TMEM229A: variants seen among roughly 807,000 people sequenced by gnomAD.
TMEM229A encodes the protein transmembrane protein 229A.
A neutral mutation model predicts 30.0 loss-of-function variants in TMEM229A; 23 were observed. The observed-to-expected ratio is 0.77, with a 90% CI of 0.55 to 1.09. The LOEUF is 1.09. TMEM229A is among the 50% of genes least tolerant of loss of function. TMEM229A has a pLI of 0.00. For synonymous variants in TMEM229A, 264 were observed against 241.5 expected (o/e 1.09, Z -0.86); for missense variants, 534 against 525.9 (o/e 1.02, Z -0.15).
rs1563050021 is a variant in TMEM229A, at chr7:124,032,405, T to C, written c.599A>G (p.Gln200Arg). ...AGGGACGGGGAGCGCGCCCCTCCGC[T>C]GCTGCTGCTGCTGCTGCTGCTGCTG... ...QQQQQQQQQQ[Q>R]RRGALPVPPG... Residue 200 changes from glutamine (Q) to arginine (R), a missense_variant, in exon 1 of 1, where the codon CAG becomes CGG. By Grantham distance (43) the Gln-to-Arg change is conservative (BLOSUM62 1). Coordinates refer to ENST00000455783, the MANE Select transcript of TMEM229A (RefSeq NM_001136002.2). The surrounding 1 kb of genome is among the most constrained non-coding windows in gnomAD (Gnocchi z 6.6). The C allele has an allele frequency of 2.3e-6, 2 of 869,448 alleles. No individual in the cohort carries two copies. Among genetic ancestry groups the C allele is most frequent in the Non-Finnish European group, 3.0e-6 (2 of 667,408 alleles). 53.9% of individuals were successfully genotyped at this position (869,448 alleles called of 1,614,324 possible). A position where few individuals can be genotyped will look rare whatever the true frequency, so the allele number is the denominator to read the frequency against.
In TMEM229A at chr7:124,032,324, G is replaced by A; in HGVS notation, c.680C>T (p.Pro227Leu). Residue 227 changes from proline (P) to leucine (L), a missense_variant, in exon 1 of 1, where the codon CCC becomes CTC. Pro to Leu is a moderately conservative substitution (Grantham distance 98). Transcript: ENST00000455783. This position sits in a 1 kb window ranked among gnomAD's most constrained non-coding sequence, Gnocchi z 6.6. Reference sequence around the variant, plus strand: ...GCTGGGGGCTCCCCCGGCGCCCCTGGGGCCACGGGGTCGTCGCCGCCGGGC... The same window carrying A: ...GCTGGGGGCTCCCCCGGCGCCCCTGAGGCCACGGGGTCGTCGCCGCCGGGC... ...AGARRRRPRGPRGAGGAPSQG... is the reference protein window; with the variant it reads ...AGARRRRPRGLRGAGGAPSQG... The A allele has an allele frequency of 6.5e-7, 1 of 1,546,058 alleles. No individual in the cohort carries two copies. Among genetic ancestry groups the A allele is most frequent in the Non-Finnish European group, 8.7e-7 (1 of 1,145,174 alleles).
rs1793150560 is a variant in TMEM229A, at chr7:124,032,534, A to G, written c.470T>C (p.Leu157Pro). 6.5e-7 allele frequency: 1 copy of G among 1,549,510 alleles called. No individual in the cohort carries two copies. The highest frequency in any genetic ancestry group is 1.4e-5 in the African/African-American group (1 of 72,986). ...CAGCACGTACTGCAGCGCCAGGTCC[A>G]GCGCCCCTGGCGCCACCGCGACCCC... ...GAGVAVAPGALDLALQYVLAL... is the reference protein window; with the variant it reads ...GAGVAVAPGAPDLALQYVLAL... Residue 157 changes from leucine (L) to proline (P), a missense_variant, in exon 1 of 1, where the codon CTG (leucine) becomes CCG (proline). Leu to Pro is a moderately conservative substitution (Grantham distance 98). Coordinates refer to ENST00000455783, the MANE Select transcript of TMEM229A (RefSeq NM_001136002.2). This position sits in a 1 kb window ranked among gnomAD's most constrained non-coding sequence, Gnocchi z 6.6.
rs905672349 is a variant in TMEM229A at position 124,032,891 on chromosome 7, G to C, written c.113C>G (p.Pro38Arg). The C allele has an allele frequency of 1.2e-4, 177 of 1,471,702 alleles. 1 individual carries two copies. Among genetic ancestry groups the C allele is most frequent in the East Asian group, 1.5e-4 (5 of 34,212 alleles). The allele number at this position is 1,471,702 out of a possible 1,614,324, so 91.2% of individuals were successfully genotyped here. A position where few individuals can be genotyped will look rare whatever the true frequency, so the allele number is the denominator to read the frequency against. Residue 38 changes from proline (P) to arginine (R), a missense_variant, in exon 1 of 1, where the codon CCG becomes CGG. Coordinates refer to ENST00000455783, the MANE Select transcript of TMEM229A (RefSeq NM_001136002.2). This position sits in a 1 kb window ranked among gnomAD's most constrained non-coding sequence, Gnocchi z 6.6. ...GSEAAAGCPE[P>R]LSTAEAPAES... ...AGCCGGCGCTTCAGCAGTGGACAGC[G>C]GCTCCGGGCAGCCGGCTGCCGCCTC... is the stretch of plus-strand genomic sequence containing the variant.
Position 124,031,788 on chromosome 7 carries a change from A to G in TMEM229A, c.*73T>C. ...GACTAAAAAACCCACTTCATTTTAAATGTGTAAAAATAAATCGCATCCATT... is the reference window on the plus strand; with the variant it reads ...GACTAAAAAACCCACTTCATTTTAAGTGTGTAAAAATAAATCGCATCCATT... On this transcript the variant is annotated 3_prime_UTR_variant, in exon 1 of 1. Transcript: ENST00000455783. The surrounding 1 kb of genome is among the most constrained non-coding windows in gnomAD (Gnocchi z 4.1). The G allele has an allele frequency of 2.9e-6, 4 of 1,400,494 alleles. No homozygotes were observed. Among genetic ancestry groups the G allele is most frequent in the Non-Finnish European group, 3.8e-6 (4 of 1,060,760 alleles). The allele number at this position is 1,400,494 out of a possible 1,614,324, so 86.8% of individuals were successfully genotyped here. A position where few individuals can be genotyped will look rare whatever the true frequency, so the allele number is the denominator to read the frequency against.
chr7:124,032,483 A>G lies in TMEM229A; in HGVS notation c.521T>C (p.Leu174Pro), dbSNP rs1793149994. 6.5e-7 allele frequency: 1 copy of G among 1,549,984 alleles called. No homozygotes were observed. The highest frequency in any genetic ancestry group is 8.7e-7 in the Non-Finnish European group (1 of 1,146,616). Residue 174 changes from leucine to proline, a missense_variant, in exon 1 of 1, where the codon CTG becomes CCG. Coordinates refer to ENST00000455783, the MANE Select transcript of TMEM229A (RefSeq NM_001136002.2). The surrounding 1 kb of genome is among the most constrained non-coding windows in gnomAD (Gnocchi z 6.6). ...GTACCGCAAGCGCAGGAAGCGCTTCAGGAACACTTGGCAGTGGTAGAGCGC... is the reference window on the plus strand; with the variant it reads ...GTACCGCAAGCGCAGGAAGCGCTTCGGGAACACTTGGCAGTGGTAGAGCGC... ...VLALYHCQVF[L>P]KRFLRLRYGR...
In TMEM229A at chr7:124,032,125, C is replaced by A. The variant is rs115281203; in HGVS notation, c.879G>T (p.Lys293Asn). Residue 293 changes from lysine (K) to asparagine (N), a missense_variant, in exon 1 of 1, where the codon AAG (lysine) becomes AAT (asparagine). Lys to Asn is a moderately conservative substitution (Grantham distance 94, BLOSUM62 0). Transcript: ENST00000455783. This position sits in a 1 kb window ranked among gnomAD's most constrained non-coding sequence, Gnocchi z 6.6. ...MYGSCSFVVE[K>N]LYFHLHYSRG... ...GGCTGTAGTGGAGGTGGAAGTAGAG[C>A]TTTTCCACCACGAAACTGCAGCTGC... The A allele has an allele frequency of 2.6e-6, 4 of 1,551,686 alleles. No homozygotes were observed. In the South Asian group the frequency reaches 4.8e-5, roughly 18 times the overall value.
chr7:124,031,845 T>A lies in TMEM229A; in HGVS notation c.*16A>T, dbSNP rs1171600044. Reference sequence around the variant, plus strand: ...AATCCAGTGACTTTTTCCTTTTCTTTCTTTCTTTTTTGGTTTTAGTTAGCT... The same window carrying A: ...AATCCAGTGACTTTTTCCTTTTCTTACTTTCTTTTTTGGTTTTAGTTAGCT... On this transcript the variant is annotated 3_prime_UTR_variant, in exon 1 of 1. Coordinates refer to ENST00000455783, the MANE Select transcript of TMEM229A (RefSeq NM_001136002.2). The surrounding 1 kb of genome is among the most constrained non-coding windows in gnomAD (Gnocchi z 4.1). The A allele has an allele frequency of 6.8e-7, 1 of 1,471,182 alleles. No homozygotes were observed. Among genetic ancestry groups the A allele is most frequent in the South Asian group, 1.4e-5 (1 of 71,096 alleles). 91.1% of individuals were successfully genotyped at this position (1,471,182 alleles called of 1,614,324 possible).
rs546906820 is a variant in TMEM229A at position 124,031,454 on chromosome 7, T to TA, written c.*406dup. The TA allele has an allele frequency of 1.5e-3, 225 of 153,882 alleles. 1 individual carries two copies. In the Middle Eastern group the frequency reaches 0.03, roughly 20 times the overall value. 9.5% of individuals were successfully genotyped at this position (153,882 alleles called of 1,614,324 possible). On this transcript the variant is annotated 3_prime_UTR_variant, in exon 1 of 1. Transcript: ENST00000455783. This position sits in a 1 kb window ranked among gnomAD's most constrained non-coding sequence, Gnocchi z 4.1. ...AATCAGAAAATTTAGCCAAATCTTG[T>TA]AAAAATCACTGGTCTCTGATTTAAA...
Position 124,033,055 on chromosome 7 carries a change from T to A in TMEM229A, c.-52A>T. 1.7e-6 allele frequency: 2 copies of A among 1,172,142 alleles called. No individual in the cohort carries two copies. The highest frequency in any genetic ancestry group is 2.1e-6 in the Non-Finnish European group (2 of 950,656). 72.6% of individuals were successfully genotyped at this position (1,172,142 alleles called of 1,614,324 possible). A position where few individuals can be genotyped will look rare whatever the true frequency, so the allele number is the denominator to read the frequency against. On this transcript the variant is annotated 5_prime_UTR_variant, in exon 1 of 1. Transcript: ENST00000455783. ...AGGCTGCACCGCCGCCGCTGCCGGG[T>A]GCGCGGAGCTGCAGGGCCGAGCGGC... is the stretch of plus-strand genomic sequence containing the variant.
In TMEM229A at chr7:124,032,899, G is replaced by A. The variant is rs1446454001; in HGVS notation, c.105C>T (p.Cys35=). The change falls in exon 1 of 1, where the codon TGC becomes TGT. Residue 35 remains cysteine, a synonymous_variant. Coordinates refer to ENST00000455783, the MANE Select transcript of TMEM229A (RefSeq NM_001136002.2). The surrounding 1 kb of genome is among the most constrained non-coding windows in gnomAD (Gnocchi z 6.6). The part of the protein sequence containing the change: ...GGPGSEAAAG[C]PEPLSTAEAP... ...CTTCAGCAGTGGACAGCGGCTCCGGGCAGCCGGCTGCCGCCTCGCTTCCTG... is the reference window on the plus strand; with the variant it reads ...CTTCAGCAGTGGACAGCGGCTCCGGACAGCCGGCTGCCGCCTCGCTTCCTG... 1 of 1,442,434 alleles carries A rather than the reference G, an allele frequency of 6.9e-7. No individual in the cohort carries two copies. The highest frequency in any genetic ancestry group is 3.0e-5 in the East Asian group (1 of 33,380). The allele number at this position is 1,442,434 out of a possible 1,614,324, so 89.4% of individuals were successfully genotyped here.
chr7:124,032,394 C>T lies in TMEM229A; in HGVS notation c.610G>A (p.Ala204Thr). The change falls in exon 1 of 1, where the codon GCG becomes ACG. Residue 204 changes from alanine to threonine, a missense_variant. Physicochemically the swap from Ala to Thr is moderately conservative, Grantham distance 58. Transcript: ENST00000455783. This position sits in a 1 kb window ranked among gnomAD's most constrained non-coding sequence, Gnocchi z 6.6. ...CGGGCGCCGGGAGGGACGGGGAGCG[C>T]GCCCCTCCGCTGCTGCTGCTGCTGC... Reference protein sequence around the residue: ...QQQQQQQRRGALPVPPGARVP... With the variant: ...QQQQQQQRRGTLPVPPGARVP... The T allele has an allele frequency of 2.6e-6, 4 of 1,540,736 alleles. No individual in the cohort carries two copies. Among genetic ancestry groups the T allele is most frequent in the Non-Finnish European group, 2.6e-6 (3 of 1,144,584 alleles).
chr7:124,032,416 CTGCTGCTGCTGCTGT>C lies in TMEM229A; in HGVS notation c.573_587del (p.Gln196_Gln200del), dbSNP rs747188805. ...GCGCGCCCCTCCGCTGCTGCTGCTG[CTGCTGCTGCTGCTGT>C]TGCTGCTGCCGCCGCCTCTGTCGCC... On this transcript the variant is annotated inframe_deletion, in exon 1 of 1. Coordinates refer to ENST00000455783, the MANE Select transcript of TMEM229A (RefSeq NM_001136002.2). This position sits in a 1 kb window ranked among gnomAD's most constrained non-coding sequence, Gnocchi z 6.6. 5 of 1,544,364 alleles carry C rather than the reference CTGCTGCTGCTGCTGT, an allele frequency of 3.2e-6. No homozygotes were observed. Among genetic ancestry groups the C allele is most frequent in the South Asian group, 1.2e-5 (1 of 83,844 alleles).
chr7:124,032,756 A>G lies in TMEM229A; in HGVS notation c.248T>C (p.Leu83Pro). ...GGGCGAGGAGAAGCCTAGCATCCGC[A>G]GGTCCGGGCTGCGGGCGAAGCGCCG... ...SARRFARSPD[L>P]RMLGFSSPYR... The change falls in exon 1 of 1, where the codon CTG (leucine) becomes CCG (proline). Residue 83 changes from leucine to proline, a missense_variant. Transcript: ENST00000455783. This position sits in a 1 kb window ranked among gnomAD's most constrained non-coding sequence, Gnocchi z 6.6. 4 of 1,551,360 alleles carry G rather than the reference A, an allele frequency of 2.6e-6. No individual in the cohort carries two copies. Among genetic ancestry groups the G allele is most frequent in the Non-Finnish European group, 3.5e-6 (4 of 1,146,872 alleles).
chr7:124,032,854 C>A lies in TMEM229A; in HGVS notation c.150G>T (p.Thr50=). The change falls in exon 1 of 1, where the codon ACG becomes ACT. Residue 50 remains threonine, a synonymous_variant. Transcript: ENST00000455783. The surrounding 1 kb of genome is among the most constrained non-coding windows in gnomAD (Gnocchi z 6.6). The part of the protein sequence containing the change: ...STAEAPAESA[T]LPAWMRLYFY... ...AGTAGAGGCGCATCCAGGCGGGCAG[C>A]GTGGCGCTCTCAGCCGGCGCTTCAG... 6.5e-7 allele frequency: 1 copy of A among 1,543,414 alleles called. No homozygotes were observed. The highest frequency in any genetic ancestry group is 8.7e-7 in the Non-Finnish European group (1 of 1,143,646).
Position 124,033,060 on chromosome 7 carries a change from G to C in TMEM229A, c.-57C>G. The C allele has an allele frequency of 3.4e-6, 4 of 1,160,634 alleles. No individual in the cohort carries two copies. Among genetic ancestry groups the C allele is most frequent in the Non-Finnish European group, 3.2e-6 (3 of 942,602 alleles). 71.9% of individuals were successfully genotyped at this position (1,160,634 alleles called of 1,614,324 possible). A position where few individuals can be genotyped will look rare whatever the true frequency, so the allele number is the denominator to read the frequency against. Reference sequence around the variant, plus strand: ...GCACCGCCGCCGCTGCCGGGTGCGCGGAGCTGCAGGGCCGAGCGGCCGAGC... The same window carrying C: ...GCACCGCCGCCGCTGCCGGGTGCGCCGAGCTGCAGGGCCGAGCGGCCGAGC... On this transcript the variant is annotated 5_prime_UTR_variant, in exon 1 of 1. Transcript: ENST00000455783.
In TMEM229A at chr7:124,032,008, C is replaced by G. The variant is rs1489095284; in HGVS notation, c.996G>C (p.Gly332=). The G allele has an allele frequency of 2.6e-6, 4 of 1,551,650 alleles. No homozygotes were observed. The highest frequency in any genetic ancestry group is 2.6e-6 in the Non-Finnish European group (3 of 1,146,986). Residue 332 remains glycine (G), a synonymous_variant, in exon 1 of 1, where the codon GGG becomes GGC. Transcript: ENST00000455783. The surrounding 1 kb of genome is among the most constrained non-coding windows in gnomAD (Gnocchi z 6.6). ...AGTGAGAATAGTCCCAGGAACAAGC[C>G]CCGCACGTGCGGAGTCCCAGACCCC... The part of the protein sequence containing the change: ...LSWGLGLRTC[G]ACSWDYSHYP...
Position 124,032,173 on chromosome 7 carries a change from C to G in TMEM229A, c.831G>C (p.Ser277=). The G allele has an allele frequency of 6.4e-7, 1 of 1,551,840 alleles. No homozygotes were observed. Among genetic ancestry groups the G allele is most frequent in the African/African-American group, 1.4e-5 (1 of 73,158 alleles). ...TGCCGTACATAAAGAAGGACCAGAG[C>G]GACGTGTGGCCGCTGGTTGTCCCGT... ...QGDGTTSGHT[S]LWSFFMYGSC... Residue 277 remains serine, a synonymous_variant, in exon 1 of 1, where the codon TCG becomes TCC. Transcript: ENST00000455783. The surrounding 1 kb of genome is among the most constrained non-coding windows in gnomAD (Gnocchi z 6.6).
chr7:124,032,356 C>T lies in TMEM229A; in HGVS notation c.648G>A (p.Ala216=), dbSNP rs1453255989. 5 of 1,542,154 alleles carry T rather than the reference C, an allele frequency of 3.2e-6. No homozygotes were observed. The highest frequency in any genetic ancestry group is 4.0e-5 in the Admixed American group (2 of 50,378). The change falls in exon 1 of 1, where the codon GCG becomes GCA. Residue 216 remains alanine (A), a synonymous_variant. Transcript: ENST00000455783. This position sits in a 1 kb window ranked among gnomAD's most constrained non-coding sequence, Gnocchi z 6.6. ...PVPPGARVPT[A]AGARRRRPRG... is the part of the protein sequence containing the mutation. ...GGGGTCGTCGCCGCCGGGCTCCGGC[C>T]GCAGTAGGGACCCGGGCGCCGGGAG...
At position 124,032,500 on chromosome 7, in the gene TMEM229A, G is replaced by A. The variant is rs760926476; in HGVS notation, c.504C>T (p.Tyr168=). The change falls in exon 1 of 1, where the codon TAC becomes TAT. Residue 168 remains tyrosine, a synonymous_variant. Transcript: ENST00000455783. This position sits in a 1 kb window ranked among gnomAD's most constrained non-coding sequence, Gnocchi z 6.6. The part of the protein sequence containing the change: ...DLALQYVLAL[Y]HCQVFLKRFL... Reference sequence around the variant, plus strand: ...AGCGCTTCAGGAACACTTGGCAGTGGTAGAGCGCCAGCACGTACTGCAGCG... The same window carrying A: ...AGCGCTTCAGGAACACTTGGCAGTGATAGAGCGCCAGCACGTACTGCAGCG... The A allele has an allele frequency of 1.9e-6, 3 of 1,550,240 alleles. No individual in the cohort carries two copies. The highest frequency in any genetic ancestry group is 1.4e-5 in the African/African-American group (1 of 73,126).
Sources: gnomAD v4.1 joint callset for allele counts on GRCh38, gnomAD v4.1.1 for gene constraint, Gnocchi (gnomAD v3.1) non-coding constraint, MANE v1.5 for transcripts, NCBI Gene and HGNC (gene_info 2026-07-23, HGNC 2026-07-21) for gene names.